SEC16B: variants seen among roughly 807,000 people sequenced by gnomAD.
SEC16B encodes the protein SEC16 homolog B, endoplasmic reticulum export factor.
In SEC16B, 115 loss-of-function variants were observed where a neutral mutation model predicts 141.8. The observed-to-expected ratio is 0.81, with a 90% confidence interval of 0.70 to 0.95. The LOEUF is 0.95. SEC16B is among the 40% of genes least tolerant of loss of function. The pLI, the probability that SEC16B is intolerant of heterozygous loss-of-function variation, is 0.00. For synonymous variants in SEC16B, 493 were observed against 492.5 expected, an observed-to-expected ratio of 1.00 and a Z score of -0.01; for missense variants, 1,291 against 1,312.3, an observed-to-expected ratio of 0.98 and a Z score of 0.25.
Position 177,933,203 on chromosome 1 carries a change from A to C in SEC16B, c.2823+11T>G. On this transcript the variant is annotated intron_variant, in intron 22 of 25. Coordinates refer to ENST00000308284, the MANE Select transcript of SEC16B (RefSeq NM_033127.4). ...CAGAGAGGGGCATCCTCCCCCTCCC[A>C]CAGAGCCTACCTCAGAGTCAGGGCT... 2.6e-6 allele frequency: 4 copies of C among 1,563,310 alleles called. No homozygotes were observed. The highest frequency in any genetic ancestry group is 1.7e-6 in the Non-Finnish European group (2 of 1,152,832).
intron 21 of SEC16B, 74 bp from the exon 22 acceptor site, chr1:177,933,386 T>G (rs1338468926): frequency 6.4e-6 from 10 of 1,558,120 alleles, no homozygotes; most frequent in African/African-American, 1.4e-5. Context: ...CCCGCCCCCA[T>G]GTAACCATCA....
intron 1 of SEC16B, among the ~76,000 whole-genome samples, chr1:177,981,010 A>G (rs1654388646): frequency 6.6e-6 from 1 of 152,056 alleles, no homozygotes; most frequent in African/African-American, 2.4e-5. Context: ...CTGATACTGA[A>G]GACTGTCCCT....
At position 177,929,052 on chromosome 1, in the gene SEC16B, G is replaced by A. The variant is rs1184122010; in HGVS notation, c.*806C>T. The A allele has an allele frequency of 6.6e-6, 1 of 152,548 alleles. No individual in the cohort carries two copies. Among genetic ancestry groups the A allele is most frequent in the East Asian group, 1.9e-4 (1 of 5,192 alleles). 9.4% of individuals were successfully genotyped at this position (152,548 alleles called of 1,614,324 possible). A position where few individuals can be genotyped will look rare whatever the true frequency, so the allele number is the denominator to read the frequency against. On this transcript the variant is annotated 3_prime_UTR_variant, in exon 26 of 26. Transcript: ENST00000308284. ...GCAAAGGCCTGAGGTAGAAAGGGAGGTATTAACAATATCAGGCACTCATTC... is the reference window on the plus strand; with the variant it reads ...GCAAAGGCCTGAGGTAGAAAGGGAGATATTAACAATATCAGGCACTCATTC...
At chr1:177,968,866 G>A (rs554855749) in intron 1 of SEC16B, among the ~76,000 whole-genome samples, 83 of 152,230 alleles carry the variant, frequency 5.5e-4, no homozygotes, top group African/African-American at 1.9e-3. Flanking sequence ...GATTCTTCCC[G>A]GTTGGAGATT....
Position 177,930,560 on chromosome 1 carries a change from T to C in SEC16B, c.3096A>G (p.Pro1032=). Residue 1032 remains proline, a synonymous_variant, in exon 25 of 26, where the codon CCA becomes CCG. Coordinates refer to ENST00000308284, the MANE Select transcript of SEC16B (RefSeq NM_033127.4). ...ALKGAVPLYN[P]SQVPQLPTAT... ...GCTTCCTTACCTGAGGCACCTGAGA[T>C]GGGTTGTAAAGAGGAACAGCCCCTT... is the stretch of plus-strand genomic sequence containing the variant. The C allele has an allele frequency of 6.2e-7, 1 of 1,613,496 alleles. No individual in the cohort carries two copies. Among genetic ancestry groups the C allele is most frequent in the Non-Finnish European group, 8.5e-7 (1 of 1,179,658 alleles).
In SEC16B at chr1:177,933,590, C is replaced by G. The variant is rs3813649; in HGVS notation, c.2618G>C (p.Ser873Thr). ...CTCCTTCTCATCCTCCTTGGCTGAA[C>G]TGGCGGAACTCTCAGAAATACTTCG... ...RPRSISESSA[S>T]SAKEDEKESS... Residue 873 changes from serine (S) to threonine (T), a missense_variant, in exon 21 of 26, where the codon AGT becomes ACT. Ser to Thr is a moderately conservative substitution (Grantham distance 58). Around this residue, in one of 3 missense-constraint regions of SEC16B, gnomAD observed 605 missense variants for 614.1 expected, o/e 0.99. Transcript: ENST00000308284. The G allele has an allele frequency of 9.9e-6, 16 of 1,613,722 alleles. No homozygotes were observed. The highest frequency in any genetic ancestry group is 1.4e-5 in the Non-Finnish European group (16 of 1,179,758).
rs995501409 is a variant in SEC16B at position 177,946,239 on chromosome 1, A to T, written c.1775+181T>A. 3 of 663,768 alleles carry T rather than the reference A, an allele frequency of 4.5e-6. No homozygotes were observed. In the African/African-American group the frequency reaches 5.3e-5, roughly 12 times the overall value. The allele number at this position is 663,768 out of a possible 1,614,324, so 41.1% of individuals were successfully genotyped here. ...GCCTGAGGCCCCCGCCAATGCTGTA[A>T]TGTGGGGCCCACGGGGCATCTCCTT... On this transcript the variant is annotated intron_variant, in intron 14 of 25. Coordinates refer to ENST00000308284, the MANE Select transcript of SEC16B (RefSeq NM_033127.4).
intron 7 of SEC16B, 143 bp downstream of exon 7, chr1:177,960,647 CA>C: frequency 2.3e-6 from 2 of 880,534 alleles, no homozygotes; most frequent in African/African-American, 3.4e-5. Flanking sequence ...CCTCCTAATC[CA>C]GGGGGTACAT....
chr1:177,981,432 G>A (rs1442087084), intron 1 of SEC16B, among the ~76,000 whole-genome samples: 49 of 152,086 alleles, frequency 3.2e-4, no homozygotes, highest in Non-Finnish European at 2.9e-5. Flanking sequence ...GTGAAAGAAG[G>A]ATGTTTCTCA....
Position 177,930,633 on chromosome 1 carries a change from A to C in SEC16B, c.3023T>G (p.Phe1008Cys). The change falls in exon 25 of 26, where the codon TTT becomes TGT. Residue 1008 changes from phenylalanine (F) to cysteine (C), a missense_variant. Physicochemically the swap from Phe to Cys is radical, Grantham distance 205. Around this residue, in one of 3 missense-constraint regions of SEC16B, gnomAD observed 605 missense variants for 614.1 expected, o/e 0.99. Coordinates refer to ENST00000308284, the MANE Select transcript of SEC16B (RefSeq NM_033127.4). The stretch of plus-strand genomic sequence containing the variant: ...AACACCAGGGTTGGAGCAGAGCTCA[A>C]AGGAAACACTCTGTGATGGAAAAGC... The part of the protein sequence containing the change: ...GGLSGPESVS[F>C]ELCSNPGVLL... 1 of 1,613,250 alleles carries C rather than the reference A, an allele frequency of 6.2e-7. No individual in the cohort carries two copies. Among genetic ancestry groups the C allele is most frequent in the Non-Finnish European group, 8.5e-7 (1 of 1,179,494 alleles).
chr1:177,968,129 G>C, intron 1 of SEC16B, 90 bp from the exon 2 acceptor site: 1 of 728,388 alleles, frequency 1.4e-6, no homozygotes, highest in Non-Finnish European at 2.1e-6. Context: ...GAGCAGCTAT[G>C]GTCCTCGAAA....
chr1:177,938,091 T>C (rs1650999120), intron 18 of SEC16B, among the ~76,000 whole-genome samples: 2 of 152,192 alleles, frequency 1.3e-5, no homozygotes, highest in Admixed American at 1.3e-4. Context: ...CAACAAGCAC[T>C]GGCCTCAAGA....
intron 1 of SEC16B, among the ~76,000 whole-genome samples, chr1:177,978,700 CAAAT>C (rs3040686): frequency 0.23 from 32,243 of 137,278 alleles, 4,262 homozygotes; most frequent in African/African-American, 0.36. Context: ...GACCCTGTCT[CAAAT>C]AAATAAATAA....
intron 3 of SEC16B, 48 bp from the exon 4 acceptor site, chr1:177,965,215 T>C (rs780578641): frequency 8.1e-6 from 13 of 1,605,068 alleles, no homozygotes; most frequent in Non-Finnish European, 1.1e-5. Context: ...TTCCTGTTTC[T>C]GAAAGTTCTT....
At chr1:177,983,453 T>G (rs916988491) in intron 1 of SEC16B, among the ~76,000 whole-genome samples, 1 of 152,002 alleles carries the variant, frequency 6.6e-6, no homozygotes, top group African/African-American at 2.4e-5. Flanking sequence ...AAGTTAACCG[T>G]ACTCAGGTTA....
chr1:177,950,567 T>C lies in SEC16B; in HGVS notation c.1545+1347A>G, dbSNP rs1040422090. Among the ~76,000 whole-genome samples the C allele has an allele frequency of 3.3e-5, 5 of 151,678 alleles. No homozygotes were observed. In the East Asian group the frequency reaches 9.7e-4, roughly 29 times the overall value. On this transcript the variant is annotated intron_variant, in intron 12 of 25. Transcript: ENST00000308284. ...AGAAAGAGGAAGGTAACATGAAAAA[T>C]AGAGAGGAGAGAGAACATTCACTAC...
chr1:177,968,926 T>C (rs932446064), intron 1 of SEC16B, among the ~76,000 whole-genome samples: 1 of 152,116 alleles, frequency 6.6e-6, no homozygotes, highest in Non-Finnish European at 1.5e-5. Context: ...CCCCACGTAA[T>C]CCTGAAAAAG....
chr1:177,941,790 T>A, intron 16 of SEC16B, 110 bp downstream of exon 16: 1 of 1,319,126 alleles, frequency 7.6e-7, no homozygotes, highest in Non-Finnish European at 1.0e-6. Flanking sequence ...TGGGCTCCAA[T>A]TTTATGGCAT....
intron 20 of SEC16B, among the ~76,000 whole-genome samples, chr1:177,935,503 T>C (rs190641289): frequency 2.0e-5 from 3 of 152,298 alleles, no homozygotes; most frequent in Admixed American, 1.3e-4. Flanking sequence ...GTATAATGTA[T>C]ATACAGATAT....
Sources: gnomAD v4.1 joint callset for allele counts (sites outside exome capture counted in the v4.1 genomes callset) on GRCh38, gnomAD v4.1.1 for gene constraint, gnomAD v4.1.1 regional missense constraint, MANE v1.5 for transcripts, NCBI Gene and HGNC (gene_info 2026-07-23, HGNC 2026-07-21) for gene names.